Variants in MAP2 observed in about 807,000 individuals in gnomAD.
MAP2 encodes the protein microtubule associated protein 2.
A neutral mutation model predicts 137.6 loss-of-function variants in MAP2; 14 were observed. That is an observed-to-expected ratio of 0.10 (90% CI 0.07 to 0.16). The LOEUF is 0.16. Ranked by LOEUF, MAP2 falls within the 10% of genes least tolerant of loss-of-function variation. The pLI is 1.00. For missense variants in MAP2, 2,088 were observed against 2,191.5 expected (o/e 0.95, Z 0.94); for synonymous variants, 786 against 782.3 (o/e 1.00, Z -0.08).
At chr2:209,717,793 G>C (rs1239306902) in intron 13 of MAP2, among the ~76,000 whole-genome samples, 1 of 152,128 alleles carries the variant, frequency 6.6e-6, no homozygotes, top group Non-Finnish European at 1.5e-5. Context: ...AATGAGGCAT[G>C]GTCTCTGCAA....
rs747697884 is a variant in MAP2 at position 209,694,443 on chromosome 2, G to T, written c.2273G>T (p.Cys758Phe). ...ATTPALEKAP[C>F]FPVESKEEEQ... ...ACACCTGCACTGGAGAAAGCCCCTT[G>T]CTTCCCTGTAGAAAGCAAAGAGGAA... The change falls in exon 8 of 16, where the codon TGC becomes TTC. Residue 758 changes from cysteine to phenylalanine, a missense_variant. By Grantham distance (205) the Cys-to-Phe change is radical. Transcript: ENST00000682079. 1 of 1,614,064 alleles carries T rather than the reference G, an allele frequency of 6.2e-7. No homozygotes were observed. The highest frequency in any genetic ancestry group is 8.5e-7 in the Non-Finnish European group (1 of 1,179,990).
intron 4 of MAP2, among the ~76,000 whole-genome samples, chr2:209,627,110 T>C (rs2092434757): frequency 6.6e-6 from 1 of 152,148 alleles, no homozygotes; most frequent in Admixed American, 6.6e-5. Context: ...TCCCTATACA[T>C]GAAACACTTA....
chr2:209,534,477 G>T (rs566862260), intron 2 of MAP2, among the ~76,000 whole-genome samples: 1 of 152,136 alleles, frequency 6.6e-6, no homozygotes, highest in Non-Finnish European at 1.5e-5. Context: ...TGTTGTGTAC[G>T]GGGGTGGGTG....
intron 12 of MAP2, among the ~76,000 whole-genome samples, chr2:209,707,906 C>G (rs1230233389): frequency 6.6e-6 from 1 of 151,916 alleles, no homozygotes; most frequent in African/African-American, 2.4e-5. Context: ...TATTCACATC[C>G]AGAATATTGC....
At chr2:209,483,107 G>A (rs1385969927) in intron 1 of MAP2, among the ~76,000 whole-genome samples, 1 of 152,140 alleles carries the variant, frequency 6.6e-6, no homozygotes, top group African/African-American at 2.4e-5. Flanking sequence ...ACTAATGACT[G>A]TAAACATGAT....
At chr2:209,641,827 A>G (rs191568692) in intron 4 of MAP2, among the ~76,000 whole-genome samples, 16 of 152,308 alleles carry the variant, frequency 1.1e-4, no homozygotes, top group Admixed American at 9.2e-4. Flanking sequence ...CAGAAATAGT[A>G]TACAGCTGTG....
intron 12 of MAP2, among the ~76,000 whole-genome samples, chr2:209,708,580 T>C (rs2064250467): frequency 6.6e-6 from 1 of 152,152 alleles, no homozygotes; most frequent in Non-Finnish European, 1.5e-5. Context: ...ACATGTCCAC[T>C]TCTCAGAAAG....
intron 7 of MAP2, among the ~76,000 whole-genome samples, chr2:209,687,072 T>C (rs2153701418): frequency 6.6e-6 from 1 of 151,998 alleles, no homozygotes; most frequent in East Asian, 1.9e-4. Context: ...GAAAGAGCTA[T>C]GCTGACTGCG....
At chr2:209,573,094 T>C (rs986744288) in intron 2 of MAP2, among the ~76,000 whole-genome samples, 1 of 152,178 alleles carries the variant, frequency 6.6e-6, no homozygotes, top group African/African-American at 2.4e-5. Context: ...AATCAGAGTC[T>C]CATGGCCTCA....
At chr2:209,494,431 T>C (rs2059496419) in intron 1 of MAP2, among the ~76,000 whole-genome samples, 3 of 142,628 alleles carry the variant, frequency 2.1e-5, no homozygotes, top group African/African-American at 5.2e-5. Context: ...TAAAGTATAA[T>C]TAAAAAAAAA....
intron 2 of MAP2, among the ~76,000 whole-genome samples, chr2:209,575,350 T>G (rs1379923188): frequency 6.6e-6 from 1 of 151,504 alleles, no homozygotes; most frequent in Non-Finnish European, 1.5e-5. Flanking sequence ...TGAAACCCCG[T>G]CTCTACTAAA....
chr2:209,433,319 C>T (rs951044394), intron 1 of MAP2, among the ~76,000 whole-genome samples: 1 of 152,056 alleles, frequency 6.6e-6, no homozygotes, highest in African/African-American at 2.4e-5. Context: ...TAGCCAGCCA[C>T]AGTAGTACCC....
chr2:209,729,920 T>C lies in MAP2; in HGVS notation c.5226T>C (p.Ser1742=). The change falls in exon 15 of 16, where the codon TCT becomes TCC. Residue 1742 remains serine (S), a synonymous_variant. Coordinates refer to ENST00000682079, the MANE Select transcript of MAP2 (RefSeq NM_001375505.1). ...FKEKAQAKVG[S]LDNAHHVPGG... ...AAAAGGCCCAAGCTAAAGTTGGTTCTCTTGATAATGCTCATCATGTACCTG... is the reference window on the plus strand; with the variant it reads ...AAAAGGCCCAAGCTAAAGTTGGTTCCCTTGATAATGCTCATCATGTACCTG... The C allele has an allele frequency of 6.2e-7, 1 of 1,613,728 alleles. No homozygotes were observed. Among genetic ancestry groups the C allele is most frequent in the Non-Finnish European group, 8.5e-7 (1 of 1,179,652 alleles).
chr2:209,638,527 A>G (rs756764837), intron 4 of MAP2, among the ~76,000 whole-genome samples: 5 of 152,142 alleles, frequency 3.3e-5, no homozygotes, highest in Admixed American at 2.0e-4. Flanking sequence ...CTCATACGTT[A>G]CTTATATATG....
intron 1 of MAP2, among the ~76,000 whole-genome samples, chr2:209,475,385 C>T (rs1177613522): frequency 6.6e-6 from 1 of 152,048 alleles, no homozygotes; most frequent in African/African-American, 2.4e-5. Context: ...CAAATACTCC[C>T]TTTCATCTCT....
At chr2:209,528,713 TAC>T (rs1364581211) in intron 2 of MAP2, among the ~76,000 whole-genome samples, 6 of 151,674 alleles carry the variant, frequency 4.0e-5, no homozygotes, top group African/African-American at 1.5e-4. Flanking sequence ...TATATATATA[TAC>T]ATGTATATGT....
Position 209,693,051 on chromosome 2 carries a change from A to C in MAP2, c.881A>C (p.Glu294Ala). The part of the protein sequence containing the change: ...ISPGPLTPMR[E>A]KDVFDDIPKW... Reference sequence around the variant, plus strand: ...CCTGGCCCTCTGACTCCCATGAGGGAAAAAGATGTATTTGATGATATCCCA... The same window carrying C: ...CCTGGCCCTCTGACTCCCATGAGGGCAAAAGATGTATTTGATGATATCCCA... Residue 294 changes from glutamate (E) to alanine (A), a missense_variant, in exon 8 of 16, where the codon GAA (glutamate) becomes GCA (alanine). Glu to Ala is a moderately radical substitution (Grantham distance 107). This residue lies in a region of MAP2 where 859 missense variants were observed against 794.5 expected (regional missense o/e 1.08). Transcript: ENST00000682079. 6.2e-7 allele frequency: 1 copy of C among 1,612,784 alleles called. No individual in the cohort carries two copies. The highest frequency in any genetic ancestry group is 8.5e-7 in the Non-Finnish European group (1 of 1,179,592).
In MAP2 at chr2:209,424,111, C is replaced by G. The variant is rs896767156; in HGVS notation, c.-387C>G. 7 of 162,406 alleles carry G rather than the reference C, an allele frequency of 4.3e-5. No homozygotes were observed. Among genetic ancestry groups the G allele is most frequent in the South Asian group, 1.7e-4 (1 of 5,884 alleles). 10.1% of individuals were successfully genotyped at this position (162,406 alleles called of 1,614,324 possible). A position where few individuals can be genotyped will look rare whatever the true frequency, so the allele number is the denominator to read the frequency against. Reference sequence around the variant, plus strand: ...GCAGCAGCAGCAGCAGCAGCATCCTCTCTTCCTTTACTTCCCTTCCGCTTC... The same window carrying G: ...GCAGCAGCAGCAGCAGCAGCATCCTGTCTTCCTTTACTTCCCTTCCGCTTC... On this transcript the variant is annotated 5_prime_UTR_variant, in exon 1 of 16. Transcript: ENST00000682079.
chr2:209,692,721 A>T lies in MAP2; in HGVS notation c.551A>T (p.Lys184Met). The change falls in exon 8 of 16, where the codon AAG (lysine) becomes ATG (methionine). Residue 184 changes from lysine (K) to methionine (M), a missense_variant. Around this residue, in one of 6 missense-constraint regions of MAP2, gnomAD observed 859 missense variants for 794.5 expected, o/e 1.08. Coordinates refer to ENST00000682079, the MANE Select transcript of MAP2 (RefSeq NM_001375505.1). The stretch of plus-strand genomic sequence containing the variant: ...GACCAGAAGGAAAAGGAGTCAGAGA[A>T]GCAAAGTAAGCCTGGTGAAGACCTT... ...PSDQKEKESE[K>M]QSKPGEDLKH... is the part of the protein sequence containing the mutation. 6.2e-7 allele frequency: 1 copy of T among 1,614,072 alleles called. No homozygotes were observed. The highest frequency in any genetic ancestry group is 8.5e-7 in the Non-Finnish European group (1 of 1,179,976).
Sources: allele counts gnomAD v4.1 joint callset (sites outside exome capture counted in the v4.1 genomes callset), GRCh38; gene constraint gnomAD v4.1.1; regional missense constraint gnomAD v4.1.1; transcripts MANE v1.5; gene names NCBI Gene and HGNC (gene_info 2026-07-23, HGNC 2026-07-21).